Variants in MCM5 observed in about 807,000 individuals in gnomAD.
The protein encoded by MCM5 is DNA replication licensing factor MCM5.
Under a neutral mutation model 79.9 loss-of-function variants are expected in MCM5, and 46 were observed. The ratio of observed to expected loss-of-function variants is 0.58; its 90% CI spans 0.45 to 0.74. The LOEUF (loss-of-function observed/expected upper bound fraction) is 0.74. Among genes scored for constraint, MCM5 ranks in the 30% least tolerant of loss-of-function variants. The pLI is 0.00. For synonymous variants in MCM5, 404 were observed against 390.5 expected (o/e 1.03, Z -0.41); for missense variants, 883 against 1,017.0 (o/e 0.87, Z 1.79).
chr22:35,406,825 T>A (rs1932232634), intron 5 of MCM5, 100 bp downstream of exon 5: 7 of 1,275,052 alleles, frequency 5.5e-6, no homozygotes, highest in South Asian at 4.0e-5. Context: ...CTTCTAGAGA[T>A]CCACTGGGAT....
intron 7 of MCM5, 108 bp downstream of exon 7, chr22:35,411,018 G>T: frequency 2.0e-6 from 2 of 979,290 alleles, no homozygotes; most frequent in South Asian, 3.4e-5. Flanking sequence ...ATGTCCTTGT[G>T]TTGCTCATAT....
chr22:35,401,235 G>A (rs1932039321), intron 2 of MCM5: 2 of 373,956 alleles, frequency 5.3e-6, no homozygotes, highest in Non-Finnish European at 1.1e-5. Context: ...TCCAGATCTT[G>A]TTCCTGTTCA....
the MCM5 span, among the ~76,000 whole-genome samples, chr22:35,454,654 G>A: frequency 6.6e-6 from 1 of 152,188 alleles, no homozygotes; most frequent in South Asian, 2.1e-4. Context: ...CACCTTCCTT[G>A]ACCTCTCTGA....
At chr22:35,410,596 C>G (rs764860313) in intron 6 of MCM5, 148 bp from the exon 7 acceptor site, 2 of 755,170 alleles carry the variant, frequency 2.6e-6, no homozygotes, top group Non-Finnish European at 4.8e-6. Context: ...TCTCTGGGCT[C>G]CGTGGGGCTG....
chr22:35,422,937 T>G (rs1427546655), intron 15 of MCM5: 1 of 279,516 alleles, frequency 3.6e-6, no homozygotes, highest in African/African-American at 2.2e-5. Flanking sequence ...AGTGACACTC[T>G]GGCCATGTCT....
At chr22:35,417,564 T>A (rs1932578236) in intron 12 of MCM5, among the ~76,000 whole-genome samples, 180 bp from the exon 13 acceptor site, 1 of 152,132 alleles carries the variant, frequency 6.6e-6, no homozygotes, top group South Asian at 2.1e-4. Flanking sequence ...ATCCAGATGC[T>A]CCCATCAGAA....
At position 35,406,609 on chromosome 22, in the gene MCM5, G is replaced by C. The variant is rs777573702; in HGVS notation, c.480G>C (p.Ala160=). The change falls in exon 5 of 17, where the codon GCG becomes GCC. Residue 160 remains alanine, a synonymous_variant. Transcript: ENST00000216122. ...KIPGIIIAAS[A]VRAKATRISI... is the part of the protein sequence containing the mutation. The stretch of plus-strand genomic sequence containing the variant: ...CTGGCATCATCATCGCGGCCTCTGC[G>C]GTCCGTGCCAAGGCCACCCGCATCT... 8 of 1,613,434 alleles carry C rather than the reference G, an allele frequency of 5.0e-6. No individual in the cohort carries two copies. Among genetic ancestry groups the C allele is most frequent in the Non-Finnish European group, 6.8e-6 (8 of 1,180,030 alleles).
At chr22:35,410,701 C>A in intron 6 of MCM5, 43 bp from the exon 7 acceptor site, 1 of 1,591,202 alleles carries the variant, frequency 6.3e-7, no homozygotes, top group South Asian at 1.1e-5. Context: ...CTGTCCAAGT[C>A]AGAATCTCAG....
chr22:35,409,502 A>G (rs774972798), intron 6 of MCM5: 5 of 152,238 alleles, frequency 3.3e-5, no homozygotes, highest in Admixed American at 6.5e-5. Flanking sequence ...TGACCCCAGA[A>G]GGTTGAGGTT....
rs766237580 is a variant in MCM5, at chr22:35,412,627, G to T, written c.1037G>T (p.Gly346Val). 6.4e-7 allele frequency: 1 copy of T among 1,564,778 alleles called. No individual in the cohort carries two copies. The highest frequency in any genetic ancestry group is 8.7e-7 in the Non-Finnish European group (1 of 1,151,398). ...SKSIAPSIFG[G>V]TDMKKAIACL... is the part of the protein sequence containing the mutation. ...AGCATCGCCCCCTCCATCTTTGGGG[G>T]CACAGACATGAAGAAGGCCATTGCC... The change falls in exon 8 of 17, where the codon GGC becomes GTC. Residue 346 changes from glycine to valine, a missense_variant. Coordinates refer to ENST00000216122, the MANE Select transcript of MCM5 (RefSeq NM_006739.4).
chr22:35,422,982 A>G, intron 15 of MCM5: 1 of 377,080 alleles, frequency 2.7e-6, no homozygotes, highest in Non-Finnish European at 4.7e-6. Context: ...TTTTTGAATG[A>G]GACAGGTGTG....
intron 16 of MCM5, chr22:35,423,944 C>T: frequency 1.9e-6 from 1 of 531,478 alleles, no homozygotes; most frequent in South Asian, 2.6e-5. Context: ...ACTTAAGTCC[C>T]AGCTCTACCT....
Position 35,424,253 on chromosome 22 carries a change from T to G in MCM5, c.2203T>G (p.Ter735GlyextTer102). ...MQRKVLYRLK* is the reference protein window; with the variant it reads ...MQRKVLYRLKG ...GCGCAAGGTTCTCTACCGCCTCAAG[T>G]GAGTCGCGCCGCCTCACTGGACTCA... The change falls in exon 17 of 17, where the codon TGA becomes GGA. Residue 735 changes from the stop codon to glycine (G), a stop_lost. Coordinates refer to ENST00000216122, the MANE Select transcript of MCM5 (RefSeq NM_006739.4). The G allele has an allele frequency of 6.5e-7, 1 of 1,542,904 alleles. No homozygotes were observed. Among genetic ancestry groups the G allele is most frequent in the Non-Finnish European group, 8.8e-7 (1 of 1,142,066 alleles).
chr22:35,406,454 C>T (rs1248879636), intron 4 of MCM5, 99 bp from the exon 5 acceptor site: 5 of 1,143,070 alleles, frequency 4.4e-6, no homozygotes, highest in Non-Finnish European at 3.8e-6. Flanking sequence ...CAGCTCTGTG[C>T]CCACCTCCTC....
chr22:35,442,433 G>A, the MCM5 span, among the ~76,000 whole-genome samples: 3 of 152,006 alleles, frequency 2.0e-5, no homozygotes, highest in Middle Eastern at 3.2e-3. Context: ...ATTCTCTTAC[G>A]GTTCTGGAGG....
At chr22:35,438,112 C>A in the MCM5 span, among the ~76,000 whole-genome samples, 5 of 152,162 alleles carry the variant, frequency 3.3e-5, no homozygotes, top group Non-Finnish European at 5.9e-5. Flanking sequence ...CCCATCCCTA[C>A]CTTTCAGACA....
chr22:35,401,508 C>T, intron 2 of MCM5: 2 of 467,926 alleles, frequency 4.3e-6, no homozygotes. Flanking sequence ...TCTCATAGGC[C>T]CGGCCTCTAT....
At chr22:35,410,154 G>A (rs1490826702) in intron 6 of MCM5, 4 of 159,872 alleles carry the variant, frequency 2.5e-5, no homozygotes, top group Admixed American at 5.9e-5. Flanking sequence ...CAATGACTTC[G>A]TTGAGGTCAC....
the MCM5 span, among the ~76,000 whole-genome samples, chr22:35,453,579 A>G: frequency 6.6e-6 from 1 of 151,506 alleles, no homozygotes; most frequent in East Asian, 1.9e-4. Flanking sequence ...AGTGAATCAG[A>G]GAGACAGACA....
Sources: allele counts gnomAD v4.1 joint callset (sites outside exome capture counted in the v4.1 genomes callset), GRCh38; gene constraint gnomAD v4.1.1; transcripts MANE v1.5; gene names NCBI Gene and HGNC (gene_info 2026-07-23, HGNC 2026-07-21).